OXCT1: variants seen among roughly 807,000 people sequenced by gnomAD.
OXCT1 encodes succinyl-CoA:3-ketoacid coenzyme A transferase 1, mitochondrial.
OXCT1 carries 27 observed loss-of-function variants against 69.6 expected under a neutral mutation model. The ratio of observed to expected loss-of-function variants is 0.39; its 90% CI spans 0.29 to 0.54. The LOEUF (loss-of-function observed/expected upper bound fraction) is 0.54, where lower values mean the gene tolerates loss of function less well. Among genes scored for constraint, OXCT1 ranks in the 20% least tolerant of loss-of-function variants. OXCT1 has a pLI of 0.72. For missense variants in OXCT1, 437 were observed against 650.2 expected, an observed-to-expected ratio of 0.67 and a Z score of 3.57; for synonymous variants, 202 against 217.8, an observed-to-expected ratio of 0.93 and a Z score of 0.64.
At chr5:41,788,810 C>G (rs1234872701) in intron 13 of OXCT1, among the ~76,000 whole-genome samples, 2 of 152,042 alleles carry the variant, frequency 1.3e-5, no homozygotes, top group Non-Finnish European at 2.9e-5. Flanking sequence ...AACACTGTAC[C>G]CAACAAGAGC....
chr5:41,803,262 G>A, intron 9 of OXCT1, 99 bp from the exon 10 acceptor site: 1 of 787,376 alleles, frequency 1.3e-6, no homozygotes, highest in African/African-American at 1.7e-5. Flanking sequence ...TTTATTTAAA[G>A]GTGGCTTACT....
intron 13 of OXCT1, among the ~76,000 whole-genome samples, chr5:41,779,898 C>T (rs1745311919): frequency 6.6e-6 from 1 of 152,024 alleles, no homozygotes; most frequent in African/African-American, 2.4e-5. Context: ...AGAACTTTCT[C>T]AAAGATTATG....
chr5:41,808,951 GA>G (rs1454928066), intron 7 of OXCT1, among the ~76,000 whole-genome samples: 1 of 151,980 alleles, frequency 6.6e-6, no homozygotes, highest in Admixed American at 6.6e-5. Context: ...TATTATTCAT[GA>G]AAACACTAAT....
intron 5 of OXCT1, among the ~76,000 whole-genome samples, chr5:41,848,072 T>C (rs1384884065): frequency 6.9e-6 from 1 of 144,660 alleles, no homozygotes; most frequent in East Asian, 2.0e-4. Context: ...GATAAGCAAC[T>C]TCAGCAAAGT....
At chr5:41,785,169 A>T (rs1449324468) in intron 13 of OXCT1, among the ~76,000 whole-genome samples, 1 of 152,224 alleles carries the variant, frequency 6.6e-6, no homozygotes. Flanking sequence ...AAGAGGAAAT[A>T]ATATTTTGCT....
At chr5:41,845,719 T>TA (rs1748864834) in intron 5 of OXCT1, among the ~76,000 whole-genome samples, 1 of 152,188 alleles carries the variant, frequency 6.6e-6, no homozygotes, top group South Asian at 2.1e-4. Flanking sequence ...ACGAGGTGAA[T>TA]TAATTTTTCA....
intron 7 of OXCT1, among the ~76,000 whole-genome samples, chr5:41,815,389 G>A (rs1055507230): frequency 9.2e-5 from 14 of 151,704 alleles, no homozygotes; most frequent in Admixed American, 3.3e-4. Flanking sequence ...ATGTTGCCCA[G>A]GCTTGTCTCA....
chr5:41,847,547 C>T (rs1170375716), intron 5 of OXCT1, among the ~76,000 whole-genome samples: 1 of 151,534 alleles, frequency 6.6e-6, no homozygotes, highest in South Asian at 2.1e-4. Context: ...TACTGGCAAA[C>T]CGAATCCAGC....
chr5:41,865,621 T>C (rs975629830), intron 1 of OXCT1, among the ~76,000 whole-genome samples: 3 of 152,202 alleles, frequency 2.0e-5, no homozygotes, highest in African/African-American at 7.2e-5. Flanking sequence ...TGTGCCATAA[T>C]AGATCATGCT....
rs569120754 is a variant in OXCT1 at position 41,811,764 on chromosome 5, G to A, written c.733-4326C>T. Among the ~76,000 whole-genome samples, 6 of 152,118 alleles carry A rather than the reference G, an allele frequency of 3.9e-5. No homozygotes were observed. The South Asian group carries it at 8.3e-4, about 21-fold the overall frequency. On this transcript the variant is annotated intron_variant, in intron 7 of 16. Transcript: ENST00000196371. ...ATATGGTTGCATAGTCATTGAAACC[G>A]AGTAGATGGGAGCTCATGCCAACAG... is the stretch of plus-strand genomic sequence containing the variant.
intron 15 of OXCT1, among the ~76,000 whole-genome samples, chr5:41,745,942 T>A (rs893199315): frequency 1.3e-5 from 2 of 152,030 alleles, no homozygotes; most frequent in Admixed American, 6.5e-5. Flanking sequence ...CAGGACCAGA[T>A]GGATTCACAG....
At chr5:41,846,451 G>C (rs1278466890) in intron 5 of OXCT1, among the ~76,000 whole-genome samples, 1 of 149,296 alleles carries the variant, frequency 6.7e-6, no homozygotes, top group Non-Finnish European at 1.5e-5. Context: ...TCCCTACAAA[G>C]GACATGAACT....
intron 7 of OXCT1, among the ~76,000 whole-genome samples, chr5:41,827,169 A>G (rs1747847660): frequency 6.6e-6 from 1 of 152,142 alleles, no homozygotes; most frequent in Admixed American, 6.6e-5. Context: ...TAAAATTATG[A>G]CCTTTCCAAA....
intron 10 of OXCT1, among the ~76,000 whole-genome samples, chr5:41,802,414 A>C (rs560908880): frequency 1.3e-5 from 2 of 152,232 alleles, no homozygotes; most frequent in Admixed American, 1.3e-4. Context: ...TTATTATACT[A>C]ATGAAAAAAT....
chr5:41,810,830 C>T (rs1247062952), intron 7 of OXCT1, among the ~76,000 whole-genome samples: 1 of 151,728 alleles, frequency 6.6e-6, no homozygotes, highest in African/African-American at 2.4e-5. Flanking sequence ...GTTATAGACA[C>T]AAAAATGGAC....
intron 1 of OXCT1, among the ~76,000 whole-genome samples, chr5:41,864,862 C>T (rs914352144): frequency 6.6e-6 from 1 of 152,118 alleles, no homozygotes; most frequent in Non-Finnish European, 1.5e-5. Flanking sequence ...GCTGTCATTA[C>T]CTCCACCCAA....
intron 9 of OXCT1, among the ~76,000 whole-genome samples, chr5:41,803,914 T>TCA (rs769819008): frequency 6.6e-6 from 1 of 151,992 alleles, no homozygotes; most frequent in Non-Finnish European, 1.5e-5. Context: ...TCAAAGATAC[T>TCA]CACACTGCCT....
intron 15 of OXCT1, among the ~76,000 whole-genome samples, chr5:41,746,170 G>T (rs971871677): frequency 8.5e-5 from 13 of 152,080 alleles, no homozygotes; most frequent in African/African-American, 2.9e-4. Context: ...CTGGCAAACC[G>T]AATCCAGCAG....
chr5:41,832,323 C>T (rs930518117), intron 7 of OXCT1, among the ~76,000 whole-genome samples: 2 of 147,590 alleles, frequency 1.4e-5, no homozygotes, highest in Admixed American at 6.8e-5. Context: ...CAGTTCCAGG[C>T]GGTTCAGCAC....
Sources: allele counts gnomAD v4.1 joint callset (sites outside exome capture counted in the v4.1 genomes callset), GRCh38; gene constraint gnomAD v4.1.1; transcripts MANE v1.5; gene names NCBI Gene and HGNC (gene_info 2026-07-23, HGNC 2026-07-21).